TRPM3: variants seen among roughly 807,000 people sequenced by gnomAD.
TRPM3 encodes transient receptor potential cation channel subfamily M member 3, also known as long transient receptor potential channel 3.
In TRPM3, 77 loss-of-function variants were observed where a neutral mutation model predicts 181.2. That is an observed-to-expected ratio of 0.42 (90% CI 0.35 to 0.51). The LOEUF (loss-of-function observed/expected upper bound fraction) is 0.51. Among genes scored for constraint, TRPM3 ranks in the 20% least tolerant of loss-of-function variants. The probability of loss-of-function intolerance (pLI) is 0.01; values close to 1 mark genes in which losing one functional copy is unlikely to be tolerated. For synonymous variants in TRPM3, 745 were observed against 796.4 expected, an observed-to-expected ratio of 0.94 and a Z score of 1.09; for missense variants, 1,759 against 2,196.7, an observed-to-expected ratio of 0.80 and a Z score of 3.98.
chr9:71,252,847 CTTTTTT>C (rs11417438), intron 1 of TRPM3, among the ~76,000 whole-genome samples: 4 of 84,754 alleles, frequency 4.7e-5, no homozygotes, highest in Admixed American at 1.5e-4. Flanking sequence ...AATTTTGTCT[CTTTTTT>C]TTTTTTTTTT....
rs112428531 is a variant in TRPM3 at position 71,374,644 on chromosome 9, A to G, written c.183+72009T>C. Reference sequence around the variant, plus strand: ...ATAAAGGGTGTTCAAGTAGGAAAAGAGGAAGTCAAATTGTCATTGTTTGCA... The same window carrying G: ...ATAAAGGGTGTTCAAGTAGGAAAAGGGGAAGTCAAATTGTCATTGTTTGCA... On this transcript the variant is annotated intron_variant, in intron 1 of 24. Coordinates refer to the TRPM3 transcript ENST00000357533. Among the ~76,000 whole-genome samples the G allele has an allele frequency of 5.1e-4, 77 of 152,326 alleles. 1 individual carries two copies. Among genetic ancestry groups the G allele is most frequent in the Admixed American group, 4.6e-3 (71 of 15,304 alleles).
At chr9:71,304,796 T>C (rs958720179) in intron 1 of TRPM3, among the ~76,000 whole-genome samples, 1 of 152,176 alleles carries the variant, frequency 6.6e-6, no homozygotes, top group African/African-American at 2.4e-5. Flanking sequence ...AGTGAAACCA[T>C]GTATAGACGG....
chr9:70,815,347 G>T (rs2092596531), intron 6 of TRPM3, among the ~76,000 whole-genome samples: 2 of 151,942 alleles, frequency 1.3e-5, no homozygotes. Context: ...CAATATTGTG[G>T]TAAATATATG....
chr9:71,135,036 C>T (rs977567190), intron 1 of TRPM3, among the ~76,000 whole-genome samples: 1 of 152,152 alleles, frequency 6.6e-6, no homozygotes, highest in Non-Finnish European at 1.5e-5. Flanking sequence ...ACATACCTAC[C>T]TAAATCCCCA....
intron 5 of TRPM3, among the ~76,000 whole-genome samples, chr9:70,841,402 A>G (rs1368903265): frequency 1.3e-5 from 2 of 151,896 alleles, no homozygotes; most frequent in African/African-American, 4.8e-5. Context: ...ATAAATTAGC[A>G]TTTATACATG....
chr9:71,268,162 C>T (rs901293141), intron 1 of TRPM3, among the ~76,000 whole-genome samples: 2 of 152,144 alleles, frequency 1.3e-5, no homozygotes, highest in African/African-American at 4.8e-5. Flanking sequence ...AGTTGGACCA[C>T]ATGAGGTCAG....
intron 1 of TRPM3, among the ~76,000 whole-genome samples, chr9:70,918,509 A>T (rs1213744450): frequency 6.6e-6 from 1 of 152,202 alleles, no homozygotes; most frequent in Non-Finnish European, 1.5e-5. Context: ...ATTAAACAAT[A>T]TGCATGACCA....
intron 1 of TRPM3, among the ~76,000 whole-genome samples, chr9:70,979,092 AC>A (rs1308068786): frequency 6.6e-6 from 1 of 152,174 alleles, no homozygotes; most frequent in Non-Finnish European, 1.5e-5. Context: ...TCATTTGTGT[AC>A]TGCTTCGTGA....
rs551613653 is a variant in TRPM3 at position 70,955,182 on chromosome 9, G to GA, written c.178-90672dup. ...TTATGCTCGAGGTTCTTTGAGAGACGAAAAAAAAGTGGCAATCACATTCTT... is the reference window on the plus strand; with the variant it reads ...TTATGCTCGAGGTTCTTTGAGAGACGAAAAAAAAAGTGGCAATCACATTCTT... On this transcript the variant is annotated intron_variant, in intron 1 of 25. Coordinates refer to ENST00000677713, the MANE Select transcript of TRPM3 (RefSeq NM_001366145.2). Among the ~76,000 whole-genome samples the GA allele has an allele frequency of 3.6e-4, 55 of 151,616 alleles. No homozygotes were observed. In the Middle Eastern group the frequency reaches 0.02, roughly 56 times the overall value.
intron 1 of TRPM3, among the ~76,000 whole-genome samples, chr9:70,980,825 C>T (rs1590263639): frequency 6.6e-6 from 1 of 152,122 alleles, no homozygotes; most frequent in African/African-American, 2.4e-5. Flanking sequence ...GCTGTTTTCG[C>T]CTCATCTTCC....
chr9:70,848,331 T>G (rs1226100063), intron 3 of TRPM3, among the ~76,000 whole-genome samples: 1 of 151,944 alleles, frequency 6.6e-6, no homozygotes, highest in African/African-American at 2.4e-5. Flanking sequence ...ACAAAGGATT[T>G]GAAAACATGA....
Position 70,640,670 on chromosome 9 carries a change from G to T in TRPM3, c.1346-10C>A, listed in dbSNP as rs560396249. 1.2e-6 allele frequency: 2 copies of T among 1,608,068 alleles called. No individual in the cohort carries two copies. The highest frequency in any genetic ancestry group is 4.5e-5 in the East Asian group (2 of 44,812). Reference sequence around the variant, plus strand: ...GCCGAGGCATTGGCTCCTGTGTGAGGACAAGTGGGAGAAAAGAGTGGAAGA... The same window carrying T: ...GCCGAGGCATTGGCTCCTGTGTGAGTACAAGTGGGAGAAAAGAGTGGAAGA... On this transcript the variant is annotated splice_polypyrimidine_tract_variant and intron_variant, in intron 9 of 25. Transcript: ENST00000677713.
chr9:71,304,182 G>T (rs1046233713), intron 1 of TRPM3, among the ~76,000 whole-genome samples: 3 of 152,176 alleles, frequency 2.0e-5, no homozygotes, highest in African/African-American at 7.2e-5. Flanking sequence ...CAGCTATAGA[G>T]ATAGTAATAT....
chr9:71,201,815 T>C (rs2078814038), intron 1 of TRPM3, among the ~76,000 whole-genome samples: 1 of 152,250 alleles, frequency 6.6e-6, no homozygotes, highest in Non-Finnish European at 1.5e-5. Context: ...GTCTGAAGCC[T>C]TCTTCTCTCA....
intron 19 of TRPM3, among the ~76,000 whole-genome samples, chr9:70,608,041 G>T (rs2061464672): frequency 6.6e-6 from 1 of 152,206 alleles, no homozygotes; most frequent in Non-Finnish European, 1.5e-5. Flanking sequence ...CCGAGTTTCG[G>T]TCAATCAAAT....
At chr9:71,020,433 GTGC>G (rs2097837094) in intron 1 of TRPM3, among the ~76,000 whole-genome samples, 1 of 151,106 alleles carries the variant, frequency 6.6e-6, no homozygotes. Flanking sequence ...AACCATGTCT[GTGC>G]CACTGCACTC....
At chr9:71,011,615 A>G (rs999332578) in intron 1 of TRPM3, among the ~76,000 whole-genome samples, 2 of 151,832 alleles carry the variant, frequency 1.3e-5, no homozygotes, top group African/African-American at 2.4e-5. Context: ...ATTTTCTCCA[A>G]ATTTTAATTT....
chr9:71,170,106 A>G (rs993756582), intron 1 of TRPM3, among the ~76,000 whole-genome samples: 2 of 152,130 alleles, frequency 1.3e-5, no homozygotes, highest in African/African-American at 4.8e-5. Flanking sequence ...ACAATGGAAA[A>G]TAAGAGGAAA....
At position 71,216,784 on chromosome 9, in the gene TRPM3, A is replaced by G. The variant is rs145062645; in HGVS notation, c.183+229869T>C. The stretch of plus-strand genomic sequence containing the variant: ...ATAACTAGGTGCTCAACACAGGTTC[A>G]TGGCATTGAATTGAATACAACCATA... On this transcript the variant is annotated intron_variant, in intron 1 of 24. Transcript: ENST00000357533. Among the ~76,000 whole-genome samples the G allele has an allele frequency of 2.0e-3, 298 of 152,292 alleles. 1 individual carries two copies. Among genetic ancestry groups the G allele is most frequent in the Non-Finnish European group, 3.5e-3 (241 of 68,034 alleles).
Sources: gnomAD v4.1 joint callset for allele counts (sites outside exome capture counted in the v4.1 genomes callset) on GRCh38, gnomAD v4.1.1 for gene constraint, MANE v1.5 for transcripts, NCBI Gene and HGNC (gene_info 2026-07-23, HGNC 2026-07-21) for gene names.